Variants in ZNF569 observed in about 807,000 individuals in gnomAD.
ZNF569 encodes DNA-binding protein.
A neutral mutation model predicts 56.3 loss-of-function variants in ZNF569; 38 were observed. That is an observed-to-expected ratio of 0.68 (90% CI 0.52 to 0.88). The LOEUF (loss-of-function observed/expected upper bound fraction) is 0.88, where lower values mean the gene tolerates loss of function less well. ZNF569 is among the 40% of genes least tolerant of loss of function. The probability of loss-of-function intolerance (pLI) is 0.00; values close to 1 mark genes in which losing one functional copy is unlikely to be tolerated. For synonymous variants in ZNF569, 241 were observed against 262.9 expected (o/e 0.92, Z 0.81); for missense variants, 666 against 809.2 (o/e 0.82, Z 2.15).
At chr19:37,459,130 C>T (rs774654500) in intron 2 of ZNF569, among the ~76,000 whole-genome samples, 1 of 151,890 alleles carries the variant, frequency 6.6e-6, no homozygotes, top group African/African-American at 2.4e-5. Flanking sequence ...AAAGAGAACA[C>T]AGATGAAATA....
intron 2 of ZNF569, among the ~76,000 whole-genome samples, chr19:37,446,190 T>C (rs1442374632): frequency 2.0e-5 from 3 of 151,884 alleles, no homozygotes; most frequent in Admixed American, 1.3e-4. Context: ...AACAAAAACA[T>C]AAAGTGGGGA....
At chr19:37,443,754 C>T (rs2041447302) in intron 3 of ZNF569, among the ~76,000 whole-genome samples, 1 of 151,886 alleles carries the variant, frequency 6.6e-6, no homozygotes, top group African/African-American at 2.4e-5. Context: ...CACCTATAAT[C>T]CCAGCACTGT....
At chr19:37,428,524 TAAA>T (rs577659092) in intron 3 of ZNF569, among the ~76,000 whole-genome samples, 1 of 87,946 alleles carries the variant, frequency 1.1e-5, no homozygotes, top group African/African-American at 4.2e-5. Context: ...CCCTGTCTCT[TAAA>T]AAAAAAAAAA....
chr19:37,457,981 C>T (rs2146969606), intron 2 of ZNF569, among the ~76,000 whole-genome samples: 1 of 152,150 alleles, frequency 6.6e-6, no homozygotes, highest in South Asian at 2.1e-4. Context: ...AGTGATTCTC[C>T]CATCTCAGCC....
chr19:37,421,290 T>C lies in ZNF569; in HGVS notation c.238+4578A>G, dbSNP rs560701715. The stretch of plus-strand genomic sequence containing the variant: ...GGAGGGTCAGTCTGTCATTTGAAAC[T>C]TTGAAGCCAGCCACTGACTTCACCT... On this transcript the variant is annotated intron_variant, in intron 5 of 5. Coordinates refer to ENST00000316950, the MANE Select transcript of ZNF569 (RefSeq NM_152484.3). 9.8e-5 allele frequency among the ~76,000 whole-genome samples: 15 copies of C among 152,294 alleles called. No homozygotes were observed. The East Asian group carries it at 2.9e-3, about 29-fold the overall frequency.
chr19:37,445,002 C>T lies in ZNF569; in HGVS notation c.-43-38G>A, dbSNP rs750939073. On this transcript the variant is annotated intron_variant, in intron 2 of 5. Transcript: ENST00000316950. Reference sequence around the variant, plus strand: ...ATAAAAGTCATTAAAATAGGCCTGTCTTTAGTTTCAGAAACATGCACACAC... The same window carrying T: ...ATAAAAGTCATTAAAATAGGCCTGTTTTTAGTTTCAGAAACATGCACACAC... 24 of 1,536,870 alleles carry T rather than the reference C, an allele frequency of 1.6e-5. 1 individual carries two copies. In the South Asian group the frequency reaches 2.7e-4, roughly 17 times the overall value.
In ZNF569 at chr19:37,414,345, T is replaced by C; in HGVS notation, c.313A>G (p.Lys105Glu). 2 of 1,612,958 alleles carry C rather than the reference T, an allele frequency of 1.2e-6. No individual in the cohort carries two copies. Among genetic ancestry groups the C allele is most frequent in the Non-Finnish European group, 1.7e-6 (2 of 1,179,600 alleles). Reference protein sequence around the residue: ...LLRQVEVKFQKTLTEEKGNEC... With the variant: ...LLRQVEVKFQETLTEEKGNEC... ...TTGCCTTTTTCTTCAGTCAGTGTTT[T>C]CTGGAATTTAACTTCAACTTGTCTC... is the stretch of plus-strand genomic sequence containing the variant. Residue 105 changes from lysine (K) to glutamate (E), a missense_variant, in exon 6 of 6, where the codon AAA becomes GAA. Transcript: ENST00000316950.
chr19:37,457,099 T>C (rs1006442281), intron 2 of ZNF569, among the ~76,000 whole-genome samples: 4 of 152,170 alleles, frequency 2.6e-5, no homozygotes, highest in African/African-American at 9.7e-5. Context: ...TCTCTTTCCT[T>C]CTCTAAAAAC....
At chr19:37,422,813 C>A (rs1197434474) in intron 5 of ZNF569, among the ~76,000 whole-genome samples, 2 of 152,140 alleles carry the variant, frequency 1.3e-5, no homozygotes, top group Non-Finnish European at 2.9e-5. Flanking sequence ...TACGGTACAG[C>A]AATGTCACAC....
chr19:37,430,526 C>A (rs73631052), intron 3 of ZNF569, among the ~76,000 whole-genome samples: 1 of 152,002 alleles, frequency 6.6e-6, no homozygotes, highest in Non-Finnish European at 1.5e-5. Flanking sequence ...TAGCTGACTT[C>A]TCATCAAACA....
chr19:37,449,298 T>A (rs2146951410), intron 2 of ZNF569, among the ~76,000 whole-genome samples: 1 of 152,332 alleles, frequency 6.6e-6, no homozygotes, highest in Non-Finnish European at 1.5e-5. Context: ...CTGCTGTTGT[T>A]TAGAATGTTC....
intron 3 of ZNF569, chr19:37,427,751 G>T: frequency 2.0e-6 from 1 of 506,996 alleles, no homozygotes. Flanking sequence ...AGTGTCAGAG[G>T]AAAAAAACCC....
At chr19:37,416,174 A>T (rs536988158) in intron 5 of ZNF569, among the ~76,000 whole-genome samples, 1 of 152,046 alleles carries the variant, frequency 6.6e-6, no homozygotes, top group East Asian at 1.9e-4. Context: ...TTAAGGTTGC[A>T]GTGAGCAGAG....
intron 5 of ZNF569, among the ~76,000 whole-genome samples, chr19:37,420,173 A>G (rs1433981312): frequency 6.6e-6 from 1 of 151,658 alleles, no homozygotes. Context: ...TGTTTTTAGT[A>G]GAGACGGGGT....
chr19:37,440,821 G>A (rs911137979), intron 3 of ZNF569, among the ~76,000 whole-genome samples: 4 of 152,130 alleles, frequency 2.6e-5, no homozygotes, highest in African/African-American at 9.7e-5. Context: ...TACATTTCTG[G>A]AGAAGTGAAC....
At chr19:37,420,153 A>AT (rs985718826) in intron 5 of ZNF569, among the ~76,000 whole-genome samples, 1 of 150,604 alleles carries the variant, frequency 6.6e-6, no homozygotes, top group African/African-American at 2.4e-5. Context: ...CGCCAGGCTA[A>AT]TTTTTTTTGT....
intron 2 of ZNF569, among the ~76,000 whole-genome samples, chr19:37,446,590 C>T (rs554167426): frequency 6.7e-6 from 1 of 149,150 alleles, no homozygotes; most frequent in Non-Finnish European, 1.5e-5. Flanking sequence ...GGATCCTTAT[C>T]TCTCACCTTA....
intron 2 of ZNF569, among the ~76,000 whole-genome samples, chr19:37,447,060 A>G (rs1472997600): frequency 6.6e-6 from 1 of 152,140 alleles, no homozygotes; most frequent in Non-Finnish European, 1.5e-5. Context: ...ATGATACTTC[A>G]CTCCTGCAAG....
intron 2 of ZNF569, among the ~76,000 whole-genome samples, chr19:37,452,105 T>C (rs1461403594): frequency 1.3e-5 from 2 of 152,064 alleles, no homozygotes; most frequent in Non-Finnish European, 1.5e-5. Flanking sequence ...CTGGCATATG[T>C]AGTTAGTTTG....
Sources: gnomAD v4.1 joint callset for allele counts (sites outside exome capture counted in the v4.1 genomes callset) on GRCh38, gnomAD v4.1.1 for gene constraint, MANE v1.5 for transcripts, NCBI Gene and HGNC (gene_info 2026-07-23, HGNC 2026-07-21) for gene names.